Variants in BCO2 observed in about 807,000 individuals in gnomAD.
BCO2 encodes carotenoid-cleaving dioxygenase, mitochondrial.
A neutral mutation model predicts 65.8 loss-of-function variants in BCO2; 56 were observed. The ratio of observed to expected loss-of-function variants is 0.85; its 90% CI spans 0.69 to 1.06. The LOEUF is 1.06. Ranked by LOEUF, BCO2 falls within the 50% of genes least tolerant of loss-of-function variation. The pLI is 0.00. For missense variants in BCO2, 675 were observed against 698.5 expected (o/e 0.97, Z 0.38); for synonymous variants, 233 against 242.3 (o/e 0.96, Z 0.36).
chr11:112,198,154 A>G (rs1867631692), intron 5 of BCO2, among the ~76,000 whole-genome samples: 1 of 152,184 alleles, frequency 6.6e-6, no homozygotes, highest in Non-Finnish European at 1.5e-5. Context: ...AAGAAAAACA[A>G]CAAGGCAAAA....
In BCO2 at chr11:112,218,097, A is replaced by C. The variant is rs112353410; in HGVS notation, c.*223A>C. The C allele has an allele frequency of 2.4e-4, 101 of 414,152 alleles. 1 individual carries two copies. Among genetic ancestry groups the C allele is most frequent in the African/African-American group, 1.8e-3 (91 of 49,598 alleles). 25.7% of individuals were successfully genotyped at this position (414,152 alleles called of 1,614,324 possible). ...ATATACTCATGTAACAAGCCTGCACATGTACCCCAGAATCTAAAATAAAAA... is the reference window on the plus strand; with the variant it reads ...ATATACTCATGTAACAAGCCTGCACCTGTACCCCAGAATCTAAAATAAAAA... On this transcript the variant is annotated 3_prime_UTR_variant, in exon 12 of 12. Coordinates refer to ENST00000357685, the MANE Select transcript of BCO2 (RefSeq NM_031938.7).
intron 8 of BCO2, among the ~76,000 whole-genome samples, chr11:112,210,904 G>C (rs1200022064): frequency 6.6e-6 from 1 of 151,722 alleles, no homozygotes; most frequent in Non-Finnish European, 1.5e-5. Flanking sequence ...CGAATATATG[G>C]GAAATCTCTG....
intron 2 of BCO2, chr11:112,180,771 T>C (rs2135347115): frequency 1.0e-6 from 1 of 955,918 alleles, no homozygotes; most frequent in East Asian, 2.4e-5. Context: ...GGGGGCAGCG[T>C]GATGAGGCGG....
chr11:112,196,804 C>T (rs1400606178), intron 5 of BCO2, among the ~76,000 whole-genome samples: 1 of 148,908 alleles, frequency 6.7e-6, no homozygotes, highest in Non-Finnish European at 1.5e-5. Context: ...CCACCACCAC[C>T]TCCTCCTTTC....
chr11:112,194,412 T>C (rs552883104), intron 4 of BCO2: 125 of 460,162 alleles, frequency 2.7e-4, no homozygotes, highest in African/African-American at 2.2e-3. Context: ...TCCTGTGATA[T>C]TAGGCAAATT....
At chr11:112,206,133 A>G (rs1186369683) in intron 8 of BCO2, among the ~76,000 whole-genome samples, 1 of 150,082 alleles carries the variant, frequency 6.7e-6, no homozygotes, top group Non-Finnish European at 1.5e-5. Flanking sequence ...GCAGCTGGGC[A>G]GAGGTCCTCC....
intron 1 of BCO2, among the ~76,000 whole-genome samples, chr11:112,177,561 A>T (rs951204111): frequency 2.6e-5 from 4 of 152,228 alleles, no homozygotes; most frequent in African/African-American, 9.6e-5. Flanking sequence ...AAAATAAAGG[A>T]GATATTACAC....
intron 2 of BCO2, among the ~76,000 whole-genome samples, chr11:112,180,509 C>G (rs1479736011): frequency 6.6e-6 from 1 of 152,146 alleles, no homozygotes; most frequent in Admixed American, 6.5e-5. Context: ...TGGTCTGCAC[C>G]TGAATAGCAT....
At chr11:112,197,579 T>C (rs1043298367) in intron 5 of BCO2, among the ~76,000 whole-genome samples, 1 of 150,684 alleles carries the variant, frequency 6.6e-6, no homozygotes, top group Non-Finnish European at 1.5e-5. Context: ...ATTTCAGCAA[T>C]GCCTTCAAAA....
rs373733153 is a variant in BCO2, at chr11:112,214,712, G to A, written c.1333-50G>A. 725 of 1,530,034 alleles carry A rather than the reference G, an allele frequency of 4.7e-4. 11 individuals carry two copies. Among genetic ancestry groups the A allele is most frequent in the South Asian group, 4.5e-3 (391 of 86,954 alleles). The allele number at this position is 1,530,034 out of a possible 1,614,324, so 94.8% of individuals were successfully genotyped here. A position where few individuals can be genotyped will look rare whatever the true frequency, so the allele number is the denominator to read the frequency against. The stretch of plus-strand genomic sequence containing the variant: ...GGCTCCTCACTGACCTACATAAGAG[G>A]AAAATAAGAATTAAGCAACCACTAC... On this transcript the variant is annotated intron_variant, in intron 9 of 11. Coordinates refer to ENST00000357685, the MANE Select transcript of BCO2 (RefSeq NM_031938.7).
chr11:112,206,542 T>C (rs189358838), intron 8 of BCO2, among the ~76,000 whole-genome samples: 208 of 152,322 alleles, frequency 1.4e-3, no homozygotes, highest in African/African-American at 4.8e-3. Context: ...GAGGATTGCT[T>C]GAGCCCAGCA....
intron 2 of BCO2, among the ~76,000 whole-genome samples, chr11:112,190,367 A>C (rs1301904909): frequency 1.3e-5 from 2 of 152,238 alleles, no homozygotes; most frequent in African/African-American, 4.8e-5. Flanking sequence ...ACCACATTAA[A>C]AAATAAAATT....
At chr11:112,181,818 TG>T (rs1319515252) in intron 2 of BCO2, 10 of 915,220 alleles carry the variant, frequency 1.1e-5, no homozygotes, top group Non-Finnish European at 1.8e-6. Flanking sequence ...TTTAAGCTGC[TG>T]TAATCTTGCA....
chr11:112,186,746 C>A (rs1195237741), intron 2 of BCO2, among the ~76,000 whole-genome samples: 2 of 152,178 alleles, frequency 1.3e-5, no homozygotes, highest in East Asian at 3.8e-4. Context: ...AATCACAGTG[C>A]TTTGGGAGGC....
chr11:112,192,411 G>C (rs1306561563), intron 2 of BCO2, among the ~76,000 whole-genome samples: 2 of 152,092 alleles, frequency 1.3e-5, no homozygotes, highest in African/African-American at 2.4e-5. Flanking sequence ...GCATATGAAA[G>C]AAGAGACCAT....
At chr11:112,177,600 T>C (rs1183055496) in intron 1 of BCO2, among the ~76,000 whole-genome samples, 8 of 152,234 alleles carry the variant, frequency 5.3e-5, no homozygotes, top group Non-Finnish European at 1.2e-4. Flanking sequence ...AAAAGCTATG[T>C]AAATATAATA....
chr11:112,184,784 G>A (rs1289844712), intron 2 of BCO2, among the ~76,000 whole-genome samples: 1 of 151,912 alleles, frequency 6.6e-6, no homozygotes, highest in East Asian at 1.9e-4. Flanking sequence ...CCAATGACCT[G>A]GTGTCCTTAT....
At chr11:112,203,010 A>G (rs915298384) in intron 8 of BCO2, among the ~76,000 whole-genome samples, 1 of 149,244 alleles carries the variant, frequency 6.7e-6, no homozygotes, top group Admixed American at 6.9e-5. Context: ...AGATCGCACC[A>G]CTGCACCCCA....
chr11:112,176,658 C>T (rs1384368411), intron 1 of BCO2, among the ~76,000 whole-genome samples: 4 of 151,944 alleles, frequency 2.6e-5, no homozygotes, highest in African/African-American at 7.3e-5. Flanking sequence ...TAGGAACATT[C>T]ATGAAGTGGT....
Sources: allele counts gnomAD v4.1 joint callset (sites outside exome capture counted in the v4.1 genomes callset), GRCh38; gene constraint gnomAD v4.1.1; transcripts MANE v1.5; gene names NCBI Gene and HGNC (gene_info 2026-07-23, HGNC 2026-07-21).